The following SPIN1 variants were observed in gnomAD, a reference collection of about 807,000 sequenced individuals.
The protein encoded by SPIN1 is spindlin 1.
A neutral mutation model predicts 26.0 loss-of-function variants in SPIN1; 3 were observed. That is an observed-to-expected ratio of 0.12 (90% CI 0.05 to 0.30). The LOEUF (loss-of-function observed/expected upper bound fraction) is 0.30. Among genes scored for constraint, SPIN1 ranks in the 10% least tolerant of loss-of-function variants. The pLI is 1.00. For synonymous variants in SPIN1, 101 were observed against 116.5 expected, an observed-to-expected ratio of 0.87 and a Z score of 0.86; for missense variants, 126 against 333.4, an observed-to-expected ratio of 0.38 and a Z score of 4.84.
intron 2 of SPIN1, among the ~76,000 whole-genome samples, chr9:88,434,828 G>A (rs187349746): frequency 2.8e-4 from 42 of 152,172 alleles, no homozygotes; most frequent in Admixed American, 1.0e-3. Flanking sequence ...AGGCCGAAGC[G>A]GGTGGGTCAC....
In SPIN1 at chr9:88,475,397, T is replaced by C. The variant is rs1421377656; in HGVS notation, c.*120T>C. On this transcript the variant is annotated 3_prime_UTR_variant, in exon 6 of 6. Coordinates refer to ENST00000375859, the MANE Select transcript of SPIN1 (RefSeq NM_006717.3). ...AATGTCCCTGCGAACCCACAATCTC[T>C]GCCAGCAGAACTGGTTTTGTTCTGA... is the stretch of plus-strand genomic sequence containing the variant. The C allele has an allele frequency of 9.8e-7, 1 of 1,016,994 alleles. No individual in the cohort carries two copies. The highest frequency in any genetic ancestry group is 2.6e-5 in the East Asian group (1 of 38,464). 63.0% of individuals were successfully genotyped at this position (1,016,994 alleles called of 1,614,324 possible).
intron 5 of SPIN1, among the ~76,000 whole-genome samples, chr9:88,470,888 C>T (rs1229037797): frequency 6.6e-6 from 1 of 152,216 alleles, no homozygotes; most frequent in South Asian, 2.1e-4. Flanking sequence ...GCCACCATGC[C>T]CGGCCTATTG....
chr9:88,469,351 A>G (rs550060342), intron 5 of SPIN1, among the ~76,000 whole-genome samples: 2 of 152,314 alleles, frequency 1.3e-5, no homozygotes, highest in East Asian at 3.9e-4. Flanking sequence ...GAGAACATCA[A>G]TTTCAGAAAA....
At chr9:88,428,263 T>C (rs1006203069) in intron 2 of SPIN1, among the ~76,000 whole-genome samples, 2 of 152,184 alleles carry the variant, frequency 1.3e-5, no homozygotes, top group Non-Finnish European at 2.9e-5. Context: ...GGTTTGGGTT[T>C]CTATTGATGC....
Position 88,457,809 on chromosome 9 carries a change from A to G in SPIN1, c.102-4687A>G, listed in dbSNP as rs573682784. On this transcript the variant is annotated intron_variant, in intron 3 of 5. Coordinates refer to ENST00000375859, the MANE Select transcript of SPIN1 (RefSeq NM_006717.3). ...CCAGAGGATGTATCTAGAAAGACAG[A>G]ATATACATGAGAAAAAAATGTGAAA... 5.1e-6 allele frequency: 5 copies of G among 977,544 alleles called. No individual in the cohort carries two copies. The African/African-American group carries it at 8.7e-5, about 17-fold the overall frequency. 60.6% of individuals were successfully genotyped at this position (977,544 alleles called of 1,614,324 possible). A position where few individuals can be genotyped will look rare whatever the true frequency, so the allele number is the denominator to read the frequency against.
intron 5 of SPIN1, among the ~76,000 whole-genome samples, chr9:88,470,362 T>A (rs989653112): frequency 7.2e-5 from 11 of 152,174 alleles, no homozygotes; most frequent in African/African-American, 2.7e-4. Flanking sequence ...TAATGGTAAC[T>A]CTATGTTTAA....
chr9:88,420,102 G>A (rs934602339), intron 1 of SPIN1, among the ~76,000 whole-genome samples: 3 of 152,306 alleles, frequency 2.0e-5, no homozygotes, highest in Non-Finnish European at 4.4e-5. Context: ...CAGGCCAGGC[G>A]CGGTGGCTCA....
chr9:88,410,184 TGTGTGC>T (rs1564025082), intron 1 of SPIN1, among the ~76,000 whole-genome samples: 1 of 141,056 alleles, frequency 7.1e-6, no homozygotes, highest in Non-Finnish European at 1.5e-5. Context: ...TGTGTGTGTG[TGTGTGC>T]AACTTTTTTT....
At chr9:88,473,836 T>C (rs1234307411) in intron 5 of SPIN1, among the ~76,000 whole-genome samples, 3 of 152,230 alleles carry the variant, frequency 2.0e-5, no homozygotes, top group South Asian at 2.1e-4. Context: ...TGTAATTCTT[T>C]TGTAAACGTG....
intron 3 of SPIN1, among the ~76,000 whole-genome samples, chr9:88,459,556 A>G (rs985914910): frequency 6.9e-6 from 1 of 144,152 alleles, no homozygotes; most frequent in African/African-American, 2.8e-5. Flanking sequence ...ATCTAAGTTT[A>G]TAAGACACTC....
intron 1 of SPIN1, among the ~76,000 whole-genome samples, chr9:88,399,977 T>C (rs1486342193): frequency 6.6e-6 from 1 of 152,170 alleles, no homozygotes; most frequent in East Asian, 1.9e-4. Context: ...AGGCATATGG[T>C]CAGATTCTGT....
intron 2 of SPIN1, among the ~76,000 whole-genome samples, chr9:88,447,545 T>C (rs1828275422): frequency 6.6e-6 from 1 of 152,220 alleles, no homozygotes; most frequent in Non-Finnish European, 1.5e-5. Flanking sequence ...GGGCCATCTT[T>C]TGCCATTTTT....
At chr9:88,446,140 T>C (rs1414652799) in intron 2 of SPIN1, among the ~76,000 whole-genome samples, 1 of 152,192 alleles carries the variant, frequency 6.6e-6, no homozygotes, top group Admixed American at 6.5e-5. Context: ...CAGTTTTGCT[T>C]CATGTGTTTC....
At chr9:88,462,808 CT>C (rs1026383859) in intron 4 of SPIN1, 59 bp downstream of exon 4, 131 of 1,495,410 alleles carry the variant, frequency 8.8e-5, no homozygotes, top group African/African-American at 3.4e-4. Context: ...GAACTGGATG[CT>C]TTTTTTATTT....
intron 1 of SPIN1, among the ~76,000 whole-genome samples, chr9:88,408,903 C>G (rs991542118): frequency 6.6e-6 from 1 of 151,822 alleles, no homozygotes; most frequent in East Asian, 1.9e-4. Flanking sequence ...ACCTCGTGAT[C>G]CGCCCGCCTG....
At chr9:88,413,123 G>T (rs1827488005) in intron 1 of SPIN1, among the ~76,000 whole-genome samples, 1 of 144,314 alleles carries the variant, frequency 6.9e-6, no homozygotes, top group Non-Finnish European at 1.5e-5. Flanking sequence ...CTAGAGTGCA[G>T]TAGTGCGATC....
rs1179967777 is a variant in SPIN1 at position 88,477,784 on chromosome 9, C to T, written c.*2507C>T. 1 of 152,494 alleles carries T rather than the reference C, an allele frequency of 6.6e-6. No homozygotes were observed. The highest frequency in any genetic ancestry group is 1.5e-5 in the Non-Finnish European group (1 of 68,034). 9.4% of individuals were successfully genotyped at this position (152,494 alleles called of 1,614,324 possible). A position where few individuals can be genotyped will look rare whatever the true frequency, so the allele number is the denominator to read the frequency against. ...ACTTGTGACAATACAAGACATGAAT[C>T]TATGTATAAAATTTATCGGCCTTTC... On this transcript the variant is annotated 3_prime_UTR_variant, in exon 6 of 6. Transcript: ENST00000375859.
chr9:88,432,038 A>G (rs1022837966), intron 2 of SPIN1, among the ~76,000 whole-genome samples: 1 of 152,098 alleles, frequency 6.6e-6, no homozygotes, highest in Admixed American at 6.6e-5. Context: ...CAGAAAAAAA[A>G]ATAGATTTAT....
At chr9:88,449,906 A>G (rs1465923967) in intron 3 of SPIN1, among the ~76,000 whole-genome samples, 1 of 152,214 alleles carries the variant, frequency 6.6e-6, no homozygotes, top group East Asian at 1.9e-4. Context: ...GCTGAAGAGG[A>G]TGTGAGGCCT....
Sources: gnomAD v4.1 joint callset for allele counts (sites outside exome capture counted in the v4.1 genomes callset) on GRCh38, gnomAD v4.1.1 for gene constraint, MANE v1.5 for transcripts, NCBI Gene and HGNC (gene_info 2026-07-23, HGNC 2026-07-21) for gene names.